The following MAGI3 variants were observed in gnomAD, a reference collection of about 807,000 sequenced individuals.
The protein encoded by MAGI3 is membrane-associated guanylate kinase, WW and PDZ domain-containing protein 3.
In MAGI3, 43 loss-of-function variants were observed where a neutral mutation model predicts 121.8. The observed-to-expected ratio is 0.35, with a 90% confidence interval of 0.28 to 0.46. The LOEUF (loss-of-function observed/expected upper bound fraction) is 0.46, where lower values mean the gene tolerates loss of function less well. MAGI3 is among the 20% of genes least tolerant of loss of function. The pLI, the probability that MAGI3 is intolerant of heterozygous loss-of-function variation, is 1.00. For missense variants in MAGI3, 1,547 were observed against 1,797.3 expected, an observed-to-expected ratio of 0.86 and a Z score of 2.52; for synonymous variants, 553 against 639.3, an observed-to-expected ratio of 0.86 and a Z score of 2.04.
At chr1:113,680,649 C>A (rs532564940) in intron 19 of MAGI3, among the ~76,000 whole-genome samples, 4 of 151,838 alleles carry the variant, frequency 2.6e-5, no homozygotes, top group Admixed American at 6.6e-5. Flanking sequence ...CCCAACTACT[C>A]GGGAGGCTGA....
chr1:113,508,874 CT>C (rs1407131080), intron 1 of MAGI3, among the ~76,000 whole-genome samples: 1 of 151,840 alleles, frequency 6.6e-6, no homozygotes, highest in Non-Finnish European at 1.5e-5. Context: ...GTTGCCATTG[CT>C]GTTGCAAAAT....
chr1:113,553,787 G>T (rs1414867821), intron 2 of MAGI3, among the ~76,000 whole-genome samples: 1 of 152,152 alleles, frequency 6.6e-6, no homozygotes, highest in African/African-American at 2.4e-5. Flanking sequence ...GAGGCAGGCG[G>T]ATCATGAGGT....
intron 1 of MAGI3, among the ~76,000 whole-genome samples, chr1:113,416,002 T>TGACACA (rs1415949533): frequency 1.6e-4 from 14 of 85,040 alleles, no homozygotes; most frequent in African/African-American, 5.0e-4. Flanking sequence ...ATATAATTAA[T>TGACACA]TACATATATT....
chr1:113,672,819 A>G, intron 18 of MAGI3, 78 bp downstream of exon 18: 29 of 1,493,360 alleles, frequency 1.9e-5, no homozygotes, highest in Non-Finnish European at 2.5e-5. Context: ...TTTATTGCAA[A>G]TCAGTTCAGA....
chr1:113,600,650 G>A (rs1649310363), intron 6 of MAGI3, among the ~76,000 whole-genome samples: 1 of 152,160 alleles, frequency 6.6e-6, no homozygotes, highest in Admixed American at 6.5e-5. Context: ...TATTGCCCAA[G>A]GTAATTTATA....
intron 12 of MAGI3, 106 bp from the exon 13 acceptor site, chr1:113,649,129 TTA>T (rs1653014142): frequency 1.5e-5 from 11 of 729,400 alleles, no homozygotes; most frequent in South Asian, 2.5e-5. Flanking sequence ...AGTTCTGAGA[TTA>T]TAGTTTATTG....
intron 1 of MAGI3, among the ~76,000 whole-genome samples, chr1:113,489,664 T>C (rs1656577321): frequency 6.6e-6 from 1 of 152,006 alleles, no homozygotes; most frequent in Non-Finnish European, 1.5e-5. Flanking sequence ...ATGCAGAAGC[T>C]GATAGACAAA....
At chr1:113,415,618 G>A (rs1652260134) in intron 1 of MAGI3, among the ~76,000 whole-genome samples, 1 of 151,854 alleles carries the variant, frequency 6.6e-6, no homozygotes, top group Admixed American at 6.6e-5. Context: ...AATCCATGAT[G>A]ATATCTCCTA....
intron 1 of MAGI3, among the ~76,000 whole-genome samples, chr1:113,529,939 A>T (rs1350783405): frequency 1.3e-5 from 2 of 152,128 alleles, no homozygotes; most frequent in African/African-American, 2.4e-5. Context: ...TTGTTTTTTT[A>T]AAAAACTTCT....
chr1:113,618,459 A>T (rs1300696362), intron 7 of MAGI3: 3 of 428,632 alleles, frequency 7.0e-6, no homozygotes, highest in Admixed American at 5.1e-5. Flanking sequence ...AATTCTCATG[A>T]TTTGGTATTT....
In MAGI3 at chr1:113,391,961, A is replaced by G. The variant is rs1650847036; in HGVS notation, c.316+612A>G. Among the ~76,000 whole-genome samples the G allele has an allele frequency of 6.6e-6, 1 of 152,194 alleles. No individual in the cohort carries two copies. On this transcript the variant is annotated intron_variant, in intron 1 of 20. Transcript: ENST00000307546. This position sits in a 1 kb window ranked among gnomAD's most constrained non-coding sequence, Gnocchi z 4.4. The stretch of plus-strand genomic sequence containing the variant: ...GGTGTGTTCTTGCAGGGAGCTGTTG[A>G]ATAGAGTCTGGGTTTTGCAGGAAGA...
intron 1 of MAGI3, among the ~76,000 whole-genome samples, chr1:113,522,119 C>CT (rs35927708): frequency 0.16 from 23,910 of 152,050 alleles, 2,226 homozygotes; most frequent in Non-Finnish European, 0.2. Context: ...TTATTTATTT[C>CT]TTTTTTGAGA....
At chr1:113,474,766 A>C (rs991218985) in intron 1 of MAGI3, among the ~76,000 whole-genome samples, 3 of 152,146 alleles carry the variant, frequency 2.0e-5, no homozygotes, top group Non-Finnish European at 2.9e-5. Flanking sequence ...GTTTTTTCCA[A>C]TTCTGTGAAG....
intron 1 of MAGI3, among the ~76,000 whole-genome samples, chr1:113,451,507 A>G (rs996578897): frequency 2.0e-5 from 3 of 152,212 alleles, no homozygotes; most frequent in Admixed American, 6.5e-5. Flanking sequence ...ATGGTACACC[A>G]TAAGACTCAC....
chr1:113,509,865 G>C (rs907073129), intron 1 of MAGI3, among the ~76,000 whole-genome samples: 4 of 146,662 alleles, frequency 2.7e-5, no homozygotes, highest in Admixed American at 1.4e-4. Context: ...TTTGTCTTCC[G>C]AGCCACGAGC....
intron 2 of MAGI3, among the ~76,000 whole-genome samples, chr1:113,568,767 C>T (rs985754159): frequency 6.6e-6 from 1 of 151,980 alleles, no homozygotes; most frequent in Non-Finnish European, 1.5e-5. Context: ...TACTTCTCAC[C>T]AGCTCCCCCA....
rs535332577 is a variant in MAGI3, at chr1:113,551,079, C to T, written c.433+1448C>T. Among the ~76,000 whole-genome samples the T allele has an allele frequency of 6.6e-5, 10 of 152,090 alleles. 1 individual carries two copies. In the South Asian group the frequency reaches 2.1e-3, roughly 32 times the overall value. ...CCCTTGACTATGTAGTGGCAAAGAG[C>T]TAAGTAAAATTGAGTTCAAAATCTT... On this transcript the variant is annotated intron_variant, in intron 2 of 20. Transcript: ENST00000307546.
chr1:113,550,972 GA>G, intron 2 of MAGI3, among the ~76,000 whole-genome samples: 1 of 38,546 alleles, frequency 2.6e-5, no homozygotes, highest in East Asian at 2.5e-3. Flanking sequence ...AAAAAAAAAA[GA>G]AGAAGAAGAA....
intron 1 of MAGI3, chr1:113,449,572 A>C: frequency 1.6e-6 from 1 of 624,794 alleles, no homozygotes; most frequent in Non-Finnish European, 2.8e-6. Flanking sequence ...TTCTGGATAA[A>C]TTATCTGCAA....
Sources: gnomAD v4.1 joint callset for allele counts (sites outside exome capture counted in the v4.1 genomes callset) on GRCh38, gnomAD v4.1.1 for gene constraint, Gnocchi (gnomAD v3.1) non-coding constraint, MANE v1.5 for transcripts, NCBI Gene and HGNC (gene_info 2026-07-23, HGNC 2026-07-21) for gene names.